Variants in LIPC observed in about 807,000 individuals in gnomAD.
LIPC encodes the protein lipase C, hepatic type, also known as hepatic triacylglycerol lipase.
LIPC carries 44 observed loss-of-function variants against 50.7 expected under a neutral mutation model. The observed-to-expected ratio is 0.87, with a 90% CI of 0.68 to 1.11. The LOEUF (loss-of-function observed/expected upper bound fraction) is 1.11, where lower values mean the gene tolerates loss of function less well. LIPC is among the 50% of genes most tolerant of loss of function. The pLI, the probability that LIPC is intolerant of heterozygous loss-of-function variation, is 0.00. For missense variants in LIPC, 697 were observed against 648.2 expected (o/e 1.08, Z -0.82); for synonymous variants, 271 against 256.4 (o/e 1.06, Z -0.54).
intron 1 of LIPC, chr15:58,436,621 G>A (rs1052296025): frequency 3.8e-5 from 16 of 422,420 alleles, no homozygotes; most frequent in African/African-American, 2.6e-4. Context: ...AAAATGATCC[G>A]TTCTGTGTGT....
At position 58,542,803 on chromosome 15, in the gene LIPC, A is replaced by G. The variant is rs568103307; in HGVS notation, c.574+152A>G. The G allele has an allele frequency of 1.5e-4, 98 of 647,396 alleles. No homozygotes were observed. The Middle Eastern group carries it at 2.1e-3, about 14-fold the overall frequency. 40.1% of individuals were successfully genotyped at this position (647,396 alleles called of 1,614,324 possible). ...GAGGACTTGTGACATTCTTTCAAAC[A>G]TGACCAATGTCATGGATTGCTGTTC... On this transcript the variant is annotated intron_variant, in intron 4 of 8. Coordinates refer to ENST00000299022, the MANE Select transcript of LIPC (RefSeq NM_000236.3).
At chr15:58,446,575 G>C (rs1319987958) in intron 1 of LIPC, among the ~76,000 whole-genome samples, 1 of 152,082 alleles carries the variant, frequency 6.6e-6, no homozygotes, top group African/African-American at 2.4e-5. Flanking sequence ...TGAGCATCTT[G>C]GTTACTTGCT....
At chr15:58,526,608 G>A (rs1159636461) in intron 1 of LIPC, among the ~76,000 whole-genome samples, 1 of 152,366 alleles carries the variant, frequency 6.6e-6, no homozygotes, top group South Asian at 2.1e-4. Context: ...CTAAGGCAGT[G>A]TGCTACCTAA....
At chr15:58,551,501 T>A (rs1893756819) in intron 6 of LIPC, among the ~76,000 whole-genome samples, 1 of 152,200 alleles carries the variant, frequency 6.6e-6, no homozygotes, top group Non-Finnish European at 1.5e-5. Context: ...GGCTGCTGCA[T>A]CAGAGAACAC....
rs1304658415 is a variant in LIPC, at chr15:58,537,179, C to T, written c.89-1154C>T. Among the ~76,000 whole-genome samples, 6 of 152,326 alleles carry T rather than the reference C, an allele frequency of 3.9e-5. No individual in the cohort carries two copies. The East Asian group carries it at 1.2e-3, about 29-fold the overall frequency. On this transcript the variant is annotated intron_variant, in intron 1 of 8. Coordinates refer to ENST00000299022, the MANE Select transcript of LIPC (RefSeq NM_000236.3). Reference sequence around the variant, plus strand: ...GGCAGAAAAGATGCGCCCATCTTGACATGCCACGCCATGGAAACGCGCCAC... The same window carrying T: ...GGCAGAAAAGATGCGCCCATCTTGATATGCCACGCCATGGAAACGCGCCAC...
chr15:58,562,886 A>C (rs1420246330), intron 7 of LIPC, among the ~76,000 whole-genome samples: 1 of 142,060 alleles, frequency 7.0e-6, no homozygotes, highest in African/African-American at 2.7e-5. Context: ...CTCCCAGGGG[A>C]TGGTTCTCAA....
chr15:58,481,228 G>A (rs748268102), intron 1 of LIPC, among the ~76,000 whole-genome samples: 1 of 152,174 alleles, frequency 6.6e-6, no homozygotes, highest in African/African-American at 2.4e-5. Context: ...GAGGGAAATT[G>A]TACAACCTCT....
chr15:58,435,081 T>C (rs944352494), intron 1 of LIPC: 6 of 152,224 alleles, frequency 3.9e-5, no homozygotes, highest in African/African-American at 1.4e-4. Context: ...TGAGAAATCT[T>C]TAAAATCTGC....
At chr15:58,540,208 G>A (rs1337695099) in intron 2 of LIPC, among the ~76,000 whole-genome samples, 1 of 152,150 alleles carries the variant, frequency 6.6e-6, no homozygotes, top group Non-Finnish European at 1.5e-5. Flanking sequence ...CCTCTTACCA[G>A]GATGCTTTTA....
intron 1 of LIPC, among the ~76,000 whole-genome samples, chr15:58,510,084 A>G (rs758740094): frequency 1.1e-4 from 17 of 152,334 alleles, no homozygotes; most frequent in Non-Finnish European, 1.5e-4. Context: ...CTCCATTACT[A>G]AACATGTATT....
At chr15:58,559,398 G>A (rs1894072909) in intron 6 of LIPC, among the ~76,000 whole-genome samples, 1 of 152,182 alleles carries the variant, frequency 6.6e-6, no homozygotes, top group African/African-American at 2.4e-5. Flanking sequence ...ATTAACCATT[G>A]TCTAAACAGG....
At chr15:58,511,935 T>C (rs529185054) in intron 1 of LIPC, among the ~76,000 whole-genome samples, 1 of 152,246 alleles carries the variant, frequency 6.6e-6, no homozygotes, top group South Asian at 2.1e-4. Flanking sequence ...TTCTAAATTA[T>C]ATATATACAC....
At chr15:58,546,653 C>T (rs1425154827) in intron 5 of LIPC, among the ~76,000 whole-genome samples, 2 of 152,172 alleles carry the variant, frequency 1.3e-5, no homozygotes, top group Non-Finnish European at 2.9e-5. Flanking sequence ...GCAGCACATT[C>T]CACGGGCATT....
intron 1 of LIPC, among the ~76,000 whole-genome samples, chr15:58,464,099 G>A (rs1894451392): frequency 6.6e-6 from 1 of 152,012 alleles, no homozygotes; most frequent in South Asian, 2.1e-4. Context: ...ATTGTCAAAA[G>A]CACTGTATTA....
intron 2 of LIPC, 57 bp from the exon 3 acceptor site, chr15:58,541,728 G>C: frequency 6.5e-7 from 1 of 1,541,252 alleles, no homozygotes; most frequent in Non-Finnish European, 8.9e-7. Flanking sequence ...GGAGAAGGAA[G>C]AAGGGTGAGC....
At chr15:58,447,000 T>C (rs753352435) in intron 1 of LIPC, among the ~76,000 whole-genome samples, 9 of 151,730 alleles carry the variant, frequency 5.9e-5, no homozygotes, top group Non-Finnish European at 1.3e-4. Context: ...ATACAAAAGT[T>C]AGCCAGGTGT....
At position 58,482,956 on chromosome 15, in the gene LIPC, G is replaced by A. The variant is rs1242510145; in HGVS notation, c.88+50836G>A. Among the ~76,000 whole-genome samples, 3 of 152,094 alleles carry A rather than the reference G, an allele frequency of 2.0e-5. No homozygotes were observed. In the East Asian group the frequency reaches 5.8e-4, roughly 29 times the overall value. On this transcript the variant is annotated intron_variant, in intron 1 of 8. Transcript: ENST00000299022. ...TGGTGATTCCTGAGGCCCAGAACCT[G>A]GCCAGCCTTATAGCGTCAGTCAGGG...
chr15:58,529,510 G>A (rs1318499987), intron 1 of LIPC, among the ~76,000 whole-genome samples: 2 of 152,216 alleles, frequency 1.3e-5, no homozygotes, highest in African/African-American at 4.8e-5. Flanking sequence ...CCATAGACAA[G>A]AGGATGCCCC....
intron 1 of LIPC, among the ~76,000 whole-genome samples, chr15:58,487,442 C>A (rs12593880): frequency 0.088 from 13,435 of 152,262 alleles, 734 homozygotes; most frequent in Non-Finnish European, 0.13. Context: ...CACTGCTTTT[C>A]TTTGGCATTT....
Sources: gnomAD v4.1 joint callset for allele counts (sites outside exome capture counted in the v4.1 genomes callset) on GRCh38, gnomAD v4.1.1 for gene constraint, MANE v1.5 for transcripts, NCBI Gene and HGNC (gene_info 2026-07-23, HGNC 2026-07-21) for gene names.